The following DIAPH2 variants were observed in gnomAD, a reference collection of about 807,000 sequenced individuals.
DIAPH2 encodes protein diaphanous homolog 2.
Under a neutral mutation model 92.7 loss-of-function variants are expected in DIAPH2, and 35 were observed. The observed-to-expected ratio is 0.38, with a 90% CI of 0.29 to 0.50. The LOEUF is 0.50. Among genes scored for constraint, DIAPH2 ranks in the 20% least tolerant of loss-of-function variants. The pLI is 0.94. For missense variants in DIAPH2, 701 were observed against 819.5 expected (o/e 0.86, Z 1.77); for synonymous variants, 301 against 280.4 (o/e 1.07, Z -0.73).
At chrX:97,162,488 A>T (rs2067381564) in intron 22 of DIAPH2, among the ~76,000 whole-genome samples, 1 of 111,356 alleles carries the variant, frequency 9.0e-6, no homozygotes, top group African/African-American at 3.3e-5. Flanking sequence ...TGTAGTATCT[A>T]TATTTTTCCT....
At chrX:96,830,387 T>C (rs1426717281) in intron 4 of DIAPH2, among the ~76,000 whole-genome samples, 4 of 108,252 alleles carry the variant, frequency 3.7e-5, no homozygotes, top group African/African-American at 1.0e-4. Flanking sequence ...CTGGCTAACA[T>C]GGTGAAACCC....
At chrX:97,589,486 T>C (rs1352820353) in intron 26 of DIAPH2, among the ~76,000 whole-genome samples, 3 of 110,710 alleles carry the variant, frequency 2.7e-5, no homozygotes, top group Non-Finnish European at 5.7e-5. Context: ...CCTTATCATA[T>C]GGACCTCTTT....
intron 24 of DIAPH2, among the ~76,000 whole-genome samples, chrX:97,354,528 A>G (rs1027092831): frequency 6.3e-5 from 7 of 110,879 alleles, no homozygotes; most frequent in Admixed American, 2.9e-4. Flanking sequence ...ACCCACCACC[A>G]CGCCTGGCTA....
chrX:96,945,674 G>A, intron 14 of DIAPH2, 83 bp downstream of exon 14: 1 of 638,634 alleles, frequency 1.6e-6, no homozygotes, highest in South Asian at 4.4e-5. Context: ...TAATATGAGG[G>A]CTTCTAAATG....
intron 26 of DIAPH2, among the ~76,000 whole-genome samples, chrX:97,506,451 C>CTT (rs34941076): frequency 1.5e-3 from 81 of 55,473 alleles, no homozygotes; most frequent in African/African-American, 4.1e-3. Context: ...ATGCCCAGCC[C>CTT]TTTTTTTTTT....
intron 4 of DIAPH2, among the ~76,000 whole-genome samples, chrX:96,768,683 AAG>A (rs1412016541): frequency 9.0e-6 from 1 of 111,456 alleles, no homozygotes; most frequent in Non-Finnish European, 1.9e-5. Flanking sequence ...ATATCTAGGG[AAG>A]AGAGAACATC....
At chrX:97,126,429 A>G (rs970837073) in intron 21 of DIAPH2, among the ~76,000 whole-genome samples, 1 of 112,338 alleles carries the variant, frequency 8.9e-6, no homozygotes, top group Non-Finnish European at 1.9e-5. Context: ...GATTATTTAT[A>G]TACATTTAAC....
intron 5 of DIAPH2, among the ~76,000 whole-genome samples, chrX:96,902,097 G>T (rs1217333189): frequency 9.0e-6 from 1 of 111,721 alleles, no homozygotes; most frequent in Non-Finnish European, 1.9e-5. Context: ...AGCTTTGAGG[G>T]TTCCTTTTGC....
intron 26 of DIAPH2, among the ~76,000 whole-genome samples, chrX:97,598,362 C>T (rs991487568): frequency 8.9e-5 from 10 of 111,815 alleles, no homozygotes; most frequent in African/African-American, 2.9e-4. Context: ...AGCAAATTAA[C>T]GAGTGTAAAG....
chrX:97,146,005 T>C (rs2067244371), intron 22 of DIAPH2, among the ~76,000 whole-genome samples: 1 of 79,919 alleles, frequency 1.3e-5, no homozygotes, highest in African/African-American at 4.4e-5. Flanking sequence ...TTTTTCTTCT[T>C]CCTTTTTTTT....
chrX:96,760,098 A>C (rs2064258579), intron 4 of DIAPH2, among the ~76,000 whole-genome samples: 1 of 111,348 alleles, frequency 9.0e-6, no homozygotes, highest in African/African-American at 3.3e-5. Flanking sequence ...TGAAATATGC[A>C]CAGCACTCTG....
chrX:97,223,406 T>C (rs774767873), intron 22 of DIAPH2, among the ~76,000 whole-genome samples: 1 of 111,265 alleles, frequency 9.0e-6, no homozygotes, highest in African/African-American at 3.3e-5. Context: ...TATATCAGCT[T>C]ATGGTTTTTT....
intron 24 of DIAPH2, among the ~76,000 whole-genome samples, chrX:97,367,000 A>G (rs140006641): frequency 1.8e-3 from 198 of 112,001 alleles, no homozygotes; most frequent in African/African-American, 6.3e-3. Context: ...AGTCTAACAC[A>G]TGACATTTAT....
chrX:96,883,021 C>CT (rs1413143718), intron 5 of DIAPH2, among the ~76,000 whole-genome samples: 1 of 97,583 alleles, frequency 1.0e-5, no homozygotes, highest in African/African-American at 3.9e-5. Flanking sequence ...TATGTAACTA[C>CT]TAGAATCTTA....
chrX:97,085,124 GTTTTA>G (rs2066774399), intron 19 of DIAPH2, among the ~76,000 whole-genome samples: 1 of 110,891 alleles, frequency 9.0e-6, no homozygotes, highest in African/African-American at 3.3e-5. Flanking sequence ...TTTAGATTTT[GTTTTA>G]TTTTAGTATA....
chrX:97,425,131 G>T (rs1170938765), intron 25 of DIAPH2, among the ~76,000 whole-genome samples: 1 of 110,530 alleles, frequency 9.0e-6, no homozygotes, highest in Admixed American at 9.7e-5. Flanking sequence ...TTTTTGTAAG[G>T]ATACATAAAA....
chrX:97,199,634 A>C (rs769975286), intron 22 of DIAPH2, among the ~76,000 whole-genome samples: 2 of 111,729 alleles, frequency 1.8e-5, no homozygotes, highest in African/African-American at 6.5e-5. Flanking sequence ...TCCATATACC[A>C]ACTGCTGTTT....
rs143813626 is a variant in DIAPH2 at position 97,550,785 on chromosome X, C to A, written c.3242-48468C>A. Among the ~76,000 whole-genome samples, 651 of 111,793 alleles carry A rather than the reference C, an allele frequency of 5.8e-3. 8 individuals are homozygous for A. Among genetic ancestry groups the A allele is most frequent in the African/African-American group, 0.02 (620 of 30,721 alleles). Reference sequence around the variant, plus strand: ...TAGCTAATAATATCAATATTTCATACCTTTATTTTAACTACTCTTCTCTGG... The same window carrying A: ...TAGCTAATAATATCAATATTTCATAACTTTATTTTAACTACTCTTCTCTGG... On this transcript the variant is annotated intron_variant, in intron 26 of 26. Transcript: ENST00000324765.
At chrX:96,983,787 C>G (rs1298852206) in intron 17 of DIAPH2, among the ~76,000 whole-genome samples, 2 of 111,441 alleles carry the variant, frequency 1.8e-5, no homozygotes, top group Non-Finnish European at 3.8e-5. Context: ...TTCCTCCAAC[C>G]CTCAGAGACA....
Sources: gnomAD v4.1 joint callset for allele counts (sites outside exome capture counted in the v4.1 genomes callset) on GRCh38, gnomAD v4.1.1 for gene constraint, MANE v1.5 for transcripts, NCBI Gene and HGNC (gene_info 2026-07-23, HGNC 2026-07-21) for gene names.